Variants in MAP4K3 observed in about 807,000 individuals in gnomAD.
MAP4K3 encodes the protein mitogen-activated protein kinase kinase kinase kinase 3, also known as MAPK/ERK kinase kinase kinase 3.
In MAP4K3, 94 loss-of-function variants were observed where a neutral mutation model predicts 143.5. The ratio of observed to expected loss-of-function variants is 0.65; its 90% confidence interval spans 0.55 to 0.78. The LOEUF (loss-of-function observed/expected upper bound fraction) is 0.78, where lower values mean the gene tolerates loss of function less well. Among genes scored for constraint, MAP4K3 ranks in the 30% least tolerant of loss-of-function variants. The pLI is 0.00. For synonymous variants in MAP4K3, 416 were observed against 347.2 expected, an observed-to-expected ratio of 1.20 and a Z score of -2.20; for missense variants, 1,077 against 1,068.1, an observed-to-expected ratio of 1.01 and a Z score of -0.12.
chr2:39,295,124 G>A (rs1205517476), intron 16 of MAP4K3, among the ~76,000 whole-genome samples: 2 of 150,852 alleles, frequency 1.3e-5, no homozygotes, highest in Admixed American at 6.6e-5. Context: ...ATAAAAAAAT[G>A]TTATTAGTGG....
At chr2:39,374,099 C>T (rs529788564) in intron 2 of MAP4K3, among the ~76,000 whole-genome samples, 12 of 152,214 alleles carry the variant, frequency 7.9e-5, no homozygotes, top group Non-Finnish European at 1.5e-4. Context: ...TATGTACCCA[C>T]GAAAATTAAA....
chr2:39,287,549 T>C (rs568222868), intron 20 of MAP4K3, among the ~76,000 whole-genome samples: 2 of 152,192 alleles, frequency 1.3e-5, no homozygotes, highest in South Asian at 4.1e-4. Flanking sequence ...GTGATCCACC[T>C]GCCTCGGCCT....
At chr2:39,263,375 C>T (rs1230787915) in intron 28 of MAP4K3, among the ~76,000 whole-genome samples, 1 of 149,320 alleles carries the variant, frequency 6.7e-6, no homozygotes, top group Non-Finnish European at 1.5e-5. Flanking sequence ...CGGGTTCAGG[C>T]CATTCTCCTG....
chr2:39,394,158 G>C (rs188879150), intron 1 of MAP4K3, among the ~76,000 whole-genome samples: 235 of 152,258 alleles, frequency 1.5e-3, no homozygotes, highest in Non-Finnish European at 2.9e-3. Context: ...TACTACGAGA[G>C]AATGGCCAAT....
intron 1 of MAP4K3, chr2:39,436,582 T>C: frequency 3.1e-6 from 1 of 319,100 alleles, no homozygotes; most frequent in South Asian, 3.8e-5. Flanking sequence ...CGCCCAGACC[T>C]TCTCTGCACT....
chr2:39,267,974 C>T (rs1680835813), intron 26 of MAP4K3, among the ~76,000 whole-genome samples: 2 of 151,950 alleles, frequency 1.3e-5, no homozygotes, highest in South Asian at 4.2e-4. Flanking sequence ...AAATGAAAAG[C>T]CAAAAACTGG....
At chr2:39,406,738 C>T (rs991597358) in intron 1 of MAP4K3, among the ~76,000 whole-genome samples, 1 of 151,164 alleles carries the variant, frequency 6.6e-6, no homozygotes, top group African/African-American at 2.4e-5. Context: ...GGGAGTACTT[C>T]AATCAGAAAA....
intron 14 of MAP4K3, 145 bp downstream of exon 14, chr2:39,309,316 G>A (rs1682854211): frequency 1.8e-6 from 1 of 561,504 alleles, no homozygotes; most frequent in African/African-American, 2.0e-5. Context: ...GTAGAGACAG[G>A]GTCTTACTAT....
At chr2:39,369,615 T>C (rs1666027708) in intron 2 of MAP4K3, among the ~76,000 whole-genome samples, 1 of 152,186 alleles carries the variant, frequency 6.6e-6, no homozygotes, top group Admixed American at 6.5e-5. Flanking sequence ...TCATGTGGAA[T>C]ACCCTCCATT....
At position 39,250,363 on chromosome 2, in the gene MAP4K3, G is replaced by T; in HGVS notation, c.*255C>A. The T allele has an allele frequency of 2.6e-6, 1 of 380,530 alleles. No homozygotes were observed. Among genetic ancestry groups the T allele is most frequent in the Non-Finnish European group, 4.7e-6 (1 of 210,560 alleles). 23.6% of individuals were successfully genotyped at this position (380,530 alleles called of 1,614,324 possible). On this transcript the variant is annotated 3_prime_UTR_variant, in exon 34 of 34. Transcript: ENST00000263881. ...TCTTAGTGTATGTCTTCAGCAATAT[G>T]AAGTTTCACAGAAAAAATACTGCCT...
intron 2 of MAP4K3, among the ~76,000 whole-genome samples, chr2:39,368,543 C>T (rs1453503816): frequency 2.0e-5 from 3 of 151,844 alleles, no homozygotes; most frequent in Admixed American, 6.6e-5. Context: ...GTGATGCACA[C>T]CTGTTAATAC....
chr2:39,356,282 G>A lies in MAP4K3; in HGVS notation c.212C>T (p.Pro71Leu), dbSNP rs1665608235. The change falls in exon 3 of 34, where the codon CCA (proline) becomes CTA (leucine). Residue 71 changes from proline (P) to leucine (L), a missense_variant. By Grantham distance (98) the Pro-to-Leu change is moderately conservative. Around this residue, in one of 2 missense-constraint regions of MAP4K3, gnomAD observed 213 missense variants for 266.8 expected, o/e 0.80. Transcript: ENST00000263881. ...EIIMMKDCKH[P>L]NIVAYFGSYL... ...GCTTCCAAAATAAGCAACAATATTTGGGTGTTTACAGTCTTTCATCATAAT... is the reference window on the plus strand; with the variant it reads ...GCTTCCAAAATAAGCAACAATATTTAGGTGTTTACAGTCTTTCATCATAAT... 6.2e-7 allele frequency: 1 copy of A among 1,601,400 alleles called. No homozygotes were observed. The highest frequency in any genetic ancestry group is 1.3e-5 in the African/African-American group (1 of 74,552).
At chr2:39,345,633 G>T (rs1312014902) in intron 3 of MAP4K3, among the ~76,000 whole-genome samples, 1 of 152,008 alleles carries the variant, frequency 6.6e-6, no homozygotes, top group Non-Finnish European at 1.5e-5. Flanking sequence ...ATGCTAAAAA[G>T]AGTGGGCCAG....
intron 6 of MAP4K3, among the ~76,000 whole-genome samples, chr2:39,336,269 T>TC (rs1664953680): frequency 6.6e-6 from 1 of 151,812 alleles, no homozygotes; most frequent in South Asian, 2.1e-4. Flanking sequence ...GGTCAGGAGA[T>TC]CGAGACCAGC....
chr2:39,325,481 CATGTTATAT>C, intron 12 of MAP4K3, 28 bp downstream of exon 12: 1 of 1,337,318 alleles, frequency 7.5e-7, no homozygotes. Flanking sequence ...TACACATATA[CATGTTATAT>C]ATGCCCGCTG....
At chr2:39,335,452 G>A (rs568900035) in intron 6 of MAP4K3, among the ~76,000 whole-genome samples, 1 of 152,278 alleles carries the variant, frequency 6.6e-6, no homozygotes, top group African/African-American at 2.4e-5. Flanking sequence ...TAGCACACAA[G>A]TCCTTGCATA....
intron 15 of MAP4K3, among the ~76,000 whole-genome samples, chr2:39,305,285 A>T (rs57447134): frequency 0.023 from 3,525 of 152,296 alleles, 137 homozygotes; most frequent in African/African-American, 0.081. Flanking sequence ...TACTTTAAAA[A>T]GGTGGGGGGC....
At chr2:39,329,893 C>A (rs570614691) in intron 8 of MAP4K3, among the ~76,000 whole-genome samples, 1 of 152,154 alleles carries the variant, frequency 6.6e-6, no homozygotes, top group African/African-American at 2.4e-5. Flanking sequence ...TCAAAGTGAA[C>A]CAAAATGTAA....
intron 18 of MAP4K3, among the ~76,000 whole-genome samples, chr2:39,292,466 G>A (rs566651290): frequency 6.6e-6 from 1 of 152,300 alleles, no homozygotes; most frequent in East Asian, 1.9e-4. Flanking sequence ...GCCACGTGAA[G>A]ACATGGCCAG....
Sources: gnomAD v4.1 joint callset for allele counts (sites outside exome capture counted in the v4.1 genomes callset) on GRCh38, gnomAD v4.1.1 for gene constraint, gnomAD v4.1.1 regional missense constraint, MANE v1.5 for transcripts, NCBI Gene and HGNC (gene_info 2026-07-23, HGNC 2026-07-21) for gene names.